Variants in CHCHD3 observed in about 807,000 individuals in gnomAD.
CHCHD3 encodes the protein coiled-coil-helix-coiled-coil-helix domain containing 3.
A neutral mutation model predicts 38.2 loss-of-function variants in CHCHD3; 20 were observed. That is an observed-to-expected ratio of 0.52 (90% CI 0.37 to 0.76). The LOEUF is 0.76. Ranked by LOEUF, CHCHD3 falls within the 30% of genes least tolerant of loss-of-function variation. The pLI is 0.00. For synonymous variants in CHCHD3, 82 were observed against 100.0 expected (o/e 0.82, Z 1.07); for missense variants, 245 against 279.2 (o/e 0.88, Z 0.87).
intron 4 of CHCHD3, among the ~76,000 whole-genome samples, chr7:132,907,869 C>T (rs560407113): frequency 6.6e-6 from 1 of 152,020 alleles, no homozygotes; most frequent in Non-Finnish European, 1.5e-5. Flanking sequence ...TTCTAAATAT[C>T]TTCTAAAGGA....
intron 2 of CHCHD3, among the ~76,000 whole-genome samples, chr7:133,032,373 T>C (rs1813527956): frequency 6.6e-6 from 1 of 152,184 alleles, no homozygotes; most frequent in Non-Finnish European, 1.5e-5. Context: ...ATGAAAGTTC[T>C]GCACTGCACA....
At chr7:132,908,546 G>A (rs1809854652) in intron 4 of CHCHD3, among the ~76,000 whole-genome samples, 1 of 151,986 alleles carries the variant, frequency 6.6e-6, no homozygotes, top group African/African-American at 2.4e-5. Flanking sequence ...GGTTTTTAAG[G>A]CATGGTCTAA....
intron 4 of CHCHD3, among the ~76,000 whole-genome samples, chr7:132,944,584 ATAT>A (rs990555804): frequency 1.3e-5 from 2 of 151,996 alleles, no homozygotes; most frequent in Non-Finnish European, 2.9e-5. Context: ...GCTGTAAAAA[ATAT>A]TGTTGTAATA....
intron 4 of CHCHD3, among the ~76,000 whole-genome samples, chr7:132,951,820 G>A (rs1367678174): frequency 1.3e-5 from 2 of 152,112 alleles, no homozygotes; most frequent in Non-Finnish European, 2.9e-5. Context: ...TGATTTCAGA[G>A]GAGAGGAAAC....
chr7:133,010,671 C>A (rs1388088020), intron 3 of CHCHD3, among the ~76,000 whole-genome samples: 1 of 152,050 alleles, frequency 6.6e-6, no homozygotes, highest in East Asian at 1.9e-4. Flanking sequence ...CTCTGGCTCC[C>A]AGGTTCAAGC....
chr7:132,830,737 G>A (rs535756150), intron 6 of CHCHD3: 1 of 152,270 alleles, frequency 6.6e-6, no homozygotes, highest in East Asian at 1.9e-4. Context: ...TTCCAGAGGG[G>A]ACATGATATA....
At chr7:132,913,853 T>C (rs1395485022) in intron 4 of CHCHD3, among the ~76,000 whole-genome samples, 1 of 152,000 alleles carries the variant, frequency 6.6e-6, no homozygotes, top group African/African-American at 2.4e-5. Context: ...GACAGCACAC[T>C]GTTAGGCAGC....
chr7:132,993,384 C>G lies in CHCHD3; in HGVS notation c.252-18098G>C, dbSNP rs138846348. On this transcript the variant is annotated intron_variant, in intron 3 of 7. Transcript: ENST00000262570. ...CTTCACTATCTATGAAATCAAAATG[C>G]AACTTAAAATTGAGGGTGTATTAAA... Among the ~76,000 whole-genome samples, 255 of 152,308 alleles carry G rather than the reference C, an allele frequency of 1.7e-3. 1 individual carries two copies. The highest frequency in any genetic ancestry group is 2.9e-3 in the Non-Finnish European group (194 of 68,024).
At chr7:132,999,663 A>ACACT (rs1158452365) in intron 3 of CHCHD3, among the ~76,000 whole-genome samples, 1 of 152,078 alleles carries the variant, frequency 6.6e-6, no homozygotes, top group Non-Finnish European at 1.5e-5. Context: ...ATTGTCAGTG[A>ACACT]CAATGATCTA....
At chr7:133,040,761 G>T (rs1336413472) in intron 2 of CHCHD3, among the ~76,000 whole-genome samples, 1 of 152,112 alleles carries the variant, frequency 6.6e-6, no homozygotes, top group African/African-American at 2.4e-5. Flanking sequence ...TGTCAATTTA[G>T]TTTGCAGATC....
At chr7:133,070,342 A>T (rs1234844237) in intron 1 of CHCHD3, 113 bp from the exon 2 acceptor site, 2 of 766,530 alleles carry the variant, frequency 2.6e-6, no homozygotes, top group East Asian at 5.4e-5. Flanking sequence ...CGAATGCCCT[A>T]AAGAAATTAG....
rs558076581 is a variant in CHCHD3, at chr7:132,894,198, A to T, written c.370-8453T>A. On this transcript the variant is annotated intron_variant, in intron 4 of 7. Coordinates refer to ENST00000262570, the MANE Select transcript of CHCHD3 (RefSeq NM_017812.4). ...AAAATGCAGTGCTGGATGAAATTAG[A>T]ACCAATTTTATAAACTTTCTTCTAT... Among the ~76,000 whole-genome samples the T allele has an allele frequency of 1.1e-4, 17 of 152,300 alleles. No homozygotes were observed. In the East Asian group the frequency reaches 2.7e-3, roughly 24 times the overall value.
At chr7:133,041,394 C>T (rs886671471) in intron 2 of CHCHD3, among the ~76,000 whole-genome samples, 11 of 152,180 alleles carry the variant, frequency 7.2e-5, no homozygotes, top group Non-Finnish European at 1.5e-4. Context: ...TTCTTCAAGG[C>T]TCCATCCAGT....
chr7:132,871,313 C>A (rs552027396), intron 5 of CHCHD3, among the ~76,000 whole-genome samples: 1 of 152,300 alleles, frequency 6.6e-6, no homozygotes, highest in Admixed American at 6.5e-5. Context: ...ATGTACCCAA[C>A]AGCAAAATGG....
intron 4 of CHCHD3, among the ~76,000 whole-genome samples, chr7:132,931,880 C>A (rs556125928): frequency 1.3e-5 from 2 of 152,160 alleles, no homozygotes; most frequent in East Asian, 3.9e-4. Context: ...AAAGAAGAAA[C>A]CCACTGTGCA....
At chr7:133,030,379 T>A (rs1813467340) in intron 2 of CHCHD3, among the ~76,000 whole-genome samples, 1 of 152,200 alleles carries the variant, frequency 6.6e-6, no homozygotes, top group Admixed American at 6.5e-5. Context: ...ATCTGAACAT[T>A]TTCTCAAATA....
At chr7:132,877,374 A>G (rs994727557) in intron 5 of CHCHD3, among the ~76,000 whole-genome samples, 10 of 149,438 alleles carry the variant, frequency 6.7e-5, no homozygotes, top group Admixed American at 4.6e-4. Flanking sequence ...CAAACTAGGG[A>G]AAAAAAATAT....
At chr7:133,064,345 T>C (rs1814608389) in intron 2 of CHCHD3, among the ~76,000 whole-genome samples, 1 of 152,172 alleles carries the variant, frequency 6.6e-6, no homozygotes, top group Admixed American at 6.6e-5. Context: ...TTAGGAACAG[T>C]CAGGCAAATC....
At chr7:133,080,932 G>T (rs1379079444) in intron 1 of CHCHD3, among the ~76,000 whole-genome samples, 2 of 152,084 alleles carry the variant, frequency 1.3e-5, no homozygotes, top group Non-Finnish European at 2.9e-5. Flanking sequence ...AAAACTTTCT[G>T]AAGTCAAAAT....
Sources: allele counts gnomAD v4.1 joint callset (sites outside exome capture counted in the v4.1 genomes callset), GRCh38; gene constraint gnomAD v4.1.1; transcripts MANE v1.5; gene names NCBI Gene and HGNC (gene_info 2026-07-23, HGNC 2026-07-21).